Variants in CAMTA1 observed in about 807,000 individuals in gnomAD.
CAMTA1 encodes the protein calmodulin binding transcription activator 1.
Under a neutral mutation model 170.9 loss-of-function variants are expected in CAMTA1, and 27 were observed. That is an observed-to-expected ratio of 0.16 (90% confidence interval 0.12 to 0.22). CAMTA1 has a LOEUF of 0.22. CAMTA1 is among the 10% of genes least tolerant of loss of function. CAMTA1 has a pLI of 1.00. For missense variants in CAMTA1, 1,619 were observed against 2,217.2 expected, an observed-to-expected ratio of 0.73 and a Z score of 5.42; for synonymous variants, 833 against 891.5, an observed-to-expected ratio of 0.93 and a Z score of 1.17.
chr1:7,005,165 A>C (rs990387999), intron 3 of CAMTA1, among the ~76,000 whole-genome samples: 1 of 152,238 alleles, frequency 6.6e-6, no homozygotes, highest in Admixed American at 6.5e-5. Context: ...AGGTGGACCA[A>C]CTGTGACTAT....
intron 6 of CAMTA1, among the ~76,000 whole-genome samples, chr1:7,528,838 AAG>A (rs2094459738): frequency 9.1e-6 from 1 of 110,240 alleles, no homozygotes; most frequent in Non-Finnish European, 2.1e-5. Context: ...TGAATGAATG[AAG>A]TGAGTGAATG....
chr1:7,316,345 C>T (rs1449173321), intron 5 of CAMTA1, among the ~76,000 whole-genome samples: 2 of 152,134 alleles, frequency 1.3e-5, no homozygotes, highest in African/African-American at 2.4e-5. Context: ...CTAATTACAT[C>T]TTCAGGGCCT....
chr1:7,216,283 C>T lies in CAMTA1; in HGVS notation c.303-33208C>T, dbSNP rs1283160814. On this transcript the variant is annotated intron_variant, in intron 4 of 22. Coordinates refer to ENST00000303635, the MANE Select transcript of CAMTA1 (RefSeq NM_015215.4). The surrounding 1 kb of genome is among the most constrained non-coding windows in gnomAD (Gnocchi z 4.0). ...CACCTCCCCCAGGCTCTTCCTCCAA[C>T]ACTGGGGATTACAGTTTGACATGAG... Among the ~76,000 whole-genome samples the T allele has an allele frequency of 2.6e-5, 4 of 152,332 alleles. No individual in the cohort carries two copies. The East Asian group carries it at 7.7e-4, about 29-fold the overall frequency.
intron 1 of CAMTA1, among the ~76,000 whole-genome samples, chr1:6,813,160 A>G (rs2148369798): frequency 6.6e-6 from 1 of 152,296 alleles, no homozygotes; most frequent in South Asian, 2.1e-4. Context: ...TGAGCACATA[A>G]TATTTTTGTA....
chr1:7,212,390 C>T (rs1658938730), intron 4 of CAMTA1, among the ~76,000 whole-genome samples: 1 of 152,162 alleles, frequency 6.6e-6, no homozygotes. Flanking sequence ...CATGGGTAAC[C>T]ACTCTCATTA....
chr1:7,755,545 A>G (rs1005336037), intron 21 of CAMTA1, 93 bp from the exon 22 acceptor site: 20 of 976,062 alleles, frequency 2.0e-5, no homozygotes, highest in Non-Finnish European at 3.0e-5. Context: ...AAACCATGTT[A>G]TATTCTTTTT....
chr1:6,788,621 C>T (rs1311842862), intron 1 of CAMTA1, among the ~76,000 whole-genome samples: 2 of 152,128 alleles, frequency 1.3e-5, no homozygotes, highest in African/African-American at 2.4e-5. Context: ...AGTCGAATAC[C>T]TGCTGTAGAT....
At chr1:7,647,187 C>T (rs992501082) in intron 7 of CAMTA1, among the ~76,000 whole-genome samples, 2 of 152,034 alleles carry the variant, frequency 1.3e-5, no homozygotes, top group African/African-American at 4.8e-5. Context: ...TCCGGAGGCC[C>T]TCGCTGTTGC....
chr1:6,991,911 A>G (rs1696441777), intron 3 of CAMTA1, among the ~76,000 whole-genome samples: 1 of 152,102 alleles, frequency 6.6e-6, no homozygotes. Flanking sequence ...CATGTTGGCC[A>G]GGTTGGTCTC....
rs1178208117 is a variant in CAMTA1 at position 7,065,759 on chromosome 1, G to T, written c.235-25545G>T. On this transcript the variant is annotated intron_variant, in intron 3 of 22. Transcript: ENST00000303635. This position sits in a 1 kb window ranked among gnomAD's most constrained non-coding sequence, Gnocchi z 5.2. ...AAATATCTGACTGCAGAAAAGACCA[G>T]TCAGGGAAATAATGATTTTTCTTTC... 2.0e-5 allele frequency among the ~76,000 whole-genome samples: 3 copies of T among 152,196 alleles called. No homozygotes were observed. Among genetic ancestry groups the T allele is most frequent in the African/African-American group, 7.2e-5 (3 of 41,440 alleles).
At chr1:6,846,948 A>G (rs898749871) in intron 3 of CAMTA1, among the ~76,000 whole-genome samples, 16 of 152,206 alleles carry the variant, frequency 1.1e-4, no homozygotes, top group African/African-American at 3.9e-4. Context: ...TGTGTGTATA[A>G]GATGTATCTG....
chr1:7,410,933 G>A (rs1288926434), intron 5 of CAMTA1, among the ~76,000 whole-genome samples: 1 of 151,738 alleles, frequency 6.6e-6, no homozygotes, highest in East Asian at 1.9e-4. Flanking sequence ...GTATGTCTGT[G>A]TGTATGTGTG....
chr1:7,126,216 G>T (rs1233970037), intron 4 of CAMTA1, among the ~76,000 whole-genome samples: 1 of 152,160 alleles, frequency 6.6e-6, no homozygotes, highest in East Asian at 1.9e-4. Flanking sequence ...TACAATTCAA[G>T]ATGAGATTTG....
At chr1:7,395,699 C>T (rs569586541) in intron 5 of CAMTA1, among the ~76,000 whole-genome samples, 9 of 152,272 alleles carry the variant, frequency 5.9e-5, no homozygotes, top group African/African-American at 1.9e-4. Context: ...TTCTTCCAAT[C>T]CATGAATATG....
At chr1:6,929,781 G>A (rs1684055055) in intron 3 of CAMTA1, among the ~76,000 whole-genome samples, 1 of 152,216 alleles carries the variant, frequency 6.6e-6, no homozygotes, top group Non-Finnish European at 1.5e-5. Flanking sequence ...ACCGGCGTGA[G>A]CCACTGTGCC....
intron 5 of CAMTA1, among the ~76,000 whole-genome samples, chr1:7,446,473 C>G (rs2092683339): frequency 6.6e-6 from 1 of 152,154 alleles, no homozygotes; most frequent in Non-Finnish European, 1.5e-5. Context: ...GGGAATCCTG[C>G]TTACGAGAGG....
intron 6 of CAMTA1, among the ~76,000 whole-genome samples, chr1:7,493,643 TGGGGGG>T (rs34756858): frequency 0.027 from 3,917 of 147,758 alleles, 62 homozygotes; most frequent in Middle Eastern, 0.049. Flanking sequence ...CCCAGGGAAC[TGGGGGG>T]GGGGGGGGGT....
chr1:7,614,639 G>A (rs1020823938), intron 6 of CAMTA1, among the ~76,000 whole-genome samples: 3 of 152,068 alleles, frequency 2.0e-5, no homozygotes, highest in South Asian at 4.2e-4. Flanking sequence ...TTTATGGCTC[G>A]TCACTGTTAT....
chr1:7,464,155 T>C (rs1228096428), intron 5 of CAMTA1, among the ~76,000 whole-genome samples: 1 of 152,158 alleles, frequency 6.6e-6, no homozygotes, highest in African/African-American at 2.4e-5. Flanking sequence ...AGGTTTCCTA[T>C]AAATACCTAG....
Sources: allele counts gnomAD v4.1 joint callset (sites outside exome capture counted in the v4.1 genomes callset), GRCh38; gene constraint gnomAD v4.1.1; non-coding constraint Gnocchi (gnomAD v3.1); transcripts MANE v1.5; gene names NCBI Gene and HGNC (gene_info 2026-07-23, HGNC 2026-07-21).